RAP1GAP2: variants seen among roughly 807,000 people sequenced by gnomAD.
The protein encoded by RAP1GAP2 is rap1 GTPase-activating protein 2.
Under a neutral mutation model 95.0 loss-of-function variants are expected in RAP1GAP2, and 27 were observed. The ratio of observed to expected loss-of-function variants is 0.28; its 90% CI spans 0.21 to 0.39. RAP1GAP2 has a LOEUF of 0.39. RAP1GAP2 is among the 10% of genes least tolerant of loss of function. The probability of loss-of-function intolerance (pLI) is 1.00; values close to 1 mark genes in which losing one functional copy is unlikely to be tolerated. For missense variants in RAP1GAP2, 771 were observed against 970.0 expected (o/e 0.79, Z 2.72); for synonymous variants, 373 against 380.9 (o/e 0.98, Z 0.24).
At chr17:2,988,926 G>A (rs2045651489) in intron 11 of RAP1GAP2, among the ~76,000 whole-genome samples, 1 of 152,252 alleles carries the variant, frequency 6.6e-6, no homozygotes, top group Non-Finnish European at 1.5e-5. Context: ...CCAGGTGGTA[G>A]TGGGCGCCTG....
intron 2 of RAP1GAP2, among the ~76,000 whole-genome samples, chr17:2,873,019 C>G (rs1268645216): frequency 1.3e-5 from 2 of 151,376 alleles, no homozygotes; most frequent in African/African-American, 2.4e-5. Flanking sequence ...ATGAGAATCG[C>G]TTGAACCCGA....
Position 2,825,381 on chromosome 17 carries a change from G to T in RAP1GAP2, c.80+24831G>T, listed in dbSNP as rs17822154. On this transcript the variant is annotated intron_variant, in intron 2 of 24. Transcript: ENST00000254695. This position sits in a 1 kb window ranked among gnomAD's most constrained non-coding sequence, Gnocchi z 4.1. ...GGAACTGGGTCAGAATTGGAATACA[G>T]GAAGCAAGAACATGAGTGTTCACGC... Among the ~76,000 whole-genome samples, 4,821 of 152,256 alleles carry T rather than the reference G, an allele frequency of 0.032. 180 individuals are homozygous for T. The highest frequency in any genetic ancestry group is 0.15 in the East Asian group (792 of 5,180).
chr17:3,031,389 A>T (rs1597918879), intron 23 of RAP1GAP2, among the ~76,000 whole-genome samples: 1 of 138,234 alleles, frequency 7.2e-6, no homozygotes, highest in African/African-American at 2.8e-5. Context: ...CCAGGTCCAG[A>T]TGTGAGGTGG....
intron 2 of RAP1GAP2, among the ~76,000 whole-genome samples, chr17:2,837,603 GCTT>G (rs2071192471): frequency 8.2e-6 from 1 of 121,308 alleles, no homozygotes; most frequent in East Asian, 2.5e-4. Flanking sequence ...TGTCAGCCCT[GCTT>G]CTTTTTTTTT....
intron 1 of RAP1GAP2, among the ~76,000 whole-genome samples, chr17:2,782,305 G>C (rs1269397080): frequency 1.3e-5 from 2 of 152,242 alleles, no homozygotes; most frequent in African/African-American, 2.4e-5. Context: ...TCTGAGCTGA[G>C]GGTGATGGGC....
At chr17:2,891,814 C>CTTTTTTTTTTTTTTTTTTT (rs917540694) in intron 2 of RAP1GAP2, among the ~76,000 whole-genome samples, 10 of 54,290 alleles carry the variant, frequency 1.8e-4, no homozygotes, top group African/African-American at 3.5e-4. Flanking sequence ...TATTTCTTTT[C>CTTTTTTTTTTTTTTTTTTT]TTTTTTTTTT....
intron 14 of RAP1GAP2, among the ~76,000 whole-genome samples, chr17:3,000,490 G>C (rs1453526359): frequency 2.6e-4 from 9 of 34,552 alleles, no homozygotes; most frequent in Non-Finnish European, 4.1e-4. Flanking sequence ...AGTGGGGCTC[G>C]TGGAGGTAAC....
chr17:2,962,735 G>A (rs1669250090), intron 5 of RAP1GAP2, 21 bp downstream of exon 5: 4 of 1,585,222 alleles, frequency 2.5e-6, no homozygotes, highest in Admixed American at 3.8e-5. Context: ...TGGGTGAGGG[G>A]GTGGCCAGAC....
At position 3,008,163 on chromosome 17, in the gene RAP1GAP2, A is replaced by C; in HGVS notation, c.1494+18A>C. The C allele has an allele frequency of 1.9e-6, 3 of 1,613,586 alleles. No homozygotes were observed. The South Asian group carries it at 3.3e-5, about 18-fold the overall frequency. Reference sequence around the variant, plus strand: ...CTTTTAAGGTATGAGCGTCAGAGTGACTGATGGTTGCTGTGGGGTTGGGAT... The same window carrying C: ...CTTTTAAGGTATGAGCGTCAGAGTGCCTGATGGTTGCTGTGGGGTTGGGAT... On this transcript the variant is annotated intron_variant, in intron 17 of 24. Transcript: ENST00000254695. This position sits in a 1 kb window ranked among gnomAD's most constrained non-coding sequence, Gnocchi z 4.2.
chr17:2,919,914 T>C (rs978624793), intron 3 of RAP1GAP2, among the ~76,000 whole-genome samples: 16 of 152,140 alleles, frequency 1.1e-4, no homozygotes, highest in African/African-American at 3.9e-4. Flanking sequence ...TTGGCCAGGC[T>C]GGTCTCGAAC....
chr17:2,976,311 TAA>T (rs1343246709), intron 8 of RAP1GAP2, among the ~76,000 whole-genome samples: 2 of 152,196 alleles, frequency 1.3e-5, no homozygotes, highest in Non-Finnish European at 2.9e-5. Flanking sequence ...TGGCAAAAAG[TAA>T]AAGTCCATGT....
intron 3 of RAP1GAP2, among the ~76,000 whole-genome samples, chr17:2,916,261 C>G (rs1020168289): frequency 8.5e-5 from 13 of 152,130 alleles, no homozygotes; most frequent in Non-Finnish European, 1.3e-4. Flanking sequence ...ATGGAAAATA[C>G]GTGCCATCCG....
At chr17:2,850,482 C>A (rs2071789018) in intron 2 of RAP1GAP2, among the ~76,000 whole-genome samples, 1 of 151,666 alleles carries the variant, frequency 6.6e-6, no homozygotes, top group Non-Finnish European at 1.5e-5. Context: ...GGCGCTGTGG[C>A]TCATGCCTGT....
At chr17:2,835,086 AT>A (rs68015915) in intron 2 of RAP1GAP2, among the ~76,000 whole-genome samples, 1 of 149,156 alleles carries the variant, frequency 6.7e-6, no homozygotes, top group African/African-American at 2.5e-5. Context: ...CACCTGGCTA[AT>A]TTTTTTTTGT....
chr17:2,951,752 G>A (rs1351298278), intron 3 of RAP1GAP2, among the ~76,000 whole-genome samples: 1 of 150,194 alleles, frequency 6.7e-6, no homozygotes, highest in African/African-American at 2.5e-5. Flanking sequence ...GTGAAACCTA[G>A]GCTGGGCGCA....
intron 2 of RAP1GAP2, among the ~76,000 whole-genome samples, chr17:2,812,939 G>A (rs984249378): frequency 3.3e-5 from 5 of 149,360 alleles, no homozygotes; most frequent in Non-Finnish European, 4.4e-5. Context: ...GCAGTGAGCC[G>A]AGATCGCACC....
rs1475267891 is a variant in RAP1GAP2 at position 2,820,891 on chromosome 17, G to GTTTTTTTTTTTTTTTTTTTTTT, written c.80+20341_80+20342insTTTTTTTTTTTTTTTTTTTTTT. On this transcript the variant is annotated intron_variant, in intron 2 of 24. Coordinates refer to ENST00000254695, the MANE Select transcript of RAP1GAP2 (RefSeq NM_015085.5). ...TGCCCGCCACCACGGCCCGGATAAT[G>GTTTTTTTTTTTTTTTTTTTTTT]GTTTTTTTTTTTTTTTTTGTATTTT... is the stretch of plus-strand genomic sequence containing the variant. Among the ~76,000 whole-genome samples the GTTTTTTTTTTTTTTTTTTTTTT allele has an allele frequency of 1.8e-3, 203 of 113,946 alleles. 16 individuals are homozygous for GTTTTTTTTTTTTTTTTTTTTTT. The highest frequency in any genetic ancestry group is 4.7e-3 in the Middle Eastern group (1 of 214). The allele number at this position is 113,946 out of a possible 152,430, so 74.8% of individuals were successfully genotyped here. A position where few individuals can be genotyped will look rare whatever the true frequency, so the allele number is the denominator to read the frequency against.
chr17:2,787,547 C>A (rs565821443), intron 1 of RAP1GAP2, among the ~76,000 whole-genome samples: 1 of 152,200 alleles, frequency 6.6e-6, no homozygotes, highest in East Asian at 1.9e-4. Flanking sequence ...TGAGTCACCA[C>A]ACGCTGAGCC....
At chr17:2,848,656 A>G (rs1303222791) in intron 2 of RAP1GAP2, among the ~76,000 whole-genome samples, 1 of 151,726 alleles carries the variant, frequency 6.6e-6, no homozygotes, top group Non-Finnish European at 1.5e-5. Context: ...TGGTATTCCA[A>G]GCGCCCGCCA....
Sources: allele counts gnomAD v4.1 joint callset (sites outside exome capture counted in the v4.1 genomes callset), GRCh38; gene constraint gnomAD v4.1.1; non-coding constraint Gnocchi (gnomAD v3.1); transcripts MANE v1.5; gene names NCBI Gene and HGNC (gene_info 2026-07-23, HGNC 2026-07-21).